Variants in NAALADL2 observed in about 807,000 individuals in gnomAD.
NAALADL2 encodes inactive N-acetylated-alpha-linked acidic dipeptidase-like protein 2.
NAALADL2 carries 76 observed loss-of-function variants against 87.2 expected under a neutral mutation model. The observed-to-expected ratio is 0.87, with a 90% CI of 0.72 to 1.05. The LOEUF is 1.05. Among genes scored for constraint, NAALADL2 ranks in the 50% least tolerant of loss-of-function variants. The pLI, the probability that NAALADL2 is intolerant of heterozygous loss-of-function variation, is 0.00. For missense variants in NAALADL2, 1,089 were observed against 945.8 expected (o/e 1.15, Z -1.99); for synonymous variants, 354 against 331.0 (o/e 1.07, Z -0.75).
intron 3 of NAALADL2, among the ~76,000 whole-genome samples, chr3:174,812,069 G>T (rs1720275491): frequency 6.6e-6 from 1 of 152,038 alleles, no homozygotes; most frequent in Non-Finnish European, 1.5e-5. Context: ...AGCAGATGCT[G>T]CCCTACTTTG....
chr3:175,005,228 C>G (rs905720034), intron 1 of NAALADL2, among the ~76,000 whole-genome samples: 19 of 152,114 alleles, frequency 1.2e-4, no homozygotes, highest in Admixed American at 9.8e-4. Flanking sequence ...TCAAGTGAAG[C>G]AGCTGAGCAG....
At chr3:175,317,055 G>A (rs1186320842) in intron 4 of NAALADL2, among the ~76,000 whole-genome samples, 1 of 152,094 alleles carries the variant, frequency 6.6e-6, no homozygotes, top group Non-Finnish European at 1.5e-5. Context: ...TCCCTTCAGG[G>A]CTGTGGGTGA....
chr3:175,314,641 C>T (rs1249462851), intron 4 of NAALADL2, among the ~76,000 whole-genome samples: 2 of 72,574 alleles, frequency 2.8e-5, no homozygotes, highest in Non-Finnish European at 5.3e-5. Flanking sequence ...GTAAAATTAG[C>T]GTTTTCTAGT....
At chr3:174,986,163 T>C (rs1208937785) in intron 1 of NAALADL2, among the ~76,000 whole-genome samples, 1 of 151,168 alleles carries the variant, frequency 6.6e-6, no homozygotes, top group Non-Finnish European at 1.5e-5. Flanking sequence ...CTGCATCATA[T>C]ATACAAATTT....
In NAALADL2 at chr3:174,930,614, C is replaced by CTTTTTTTTTTTTTTTTTTTTTTTTTTTTT. The variant is rs760690405; in HGVS notation, c.43+71189_43+71190insTTTTTTTTTTTTTTTTTTTTTTTTTTTTT. Among the ~76,000 whole-genome samples the CTTTTTTTTTTTTTTTTTTTTTTTTTTTTT allele has an allele frequency of 5.8e-4, 39 of 66,820 alleles. 4 individuals carry two copies. The highest frequency in any genetic ancestry group is 2.9e-3 in the East Asian group (5 of 1,716). 43.8% of individuals were successfully genotyped at this position (66,820 alleles called of 152,430 possible). ...TTGCAAGTCCTTTAAATAAGATGAA[C>CTTTTTTTTTTTTTTTTTTTTTTTTTTTTT]TTTTTTTTTTTTTTTTTTTTTTTTT... On this transcript the variant is annotated intron_variant, in intron 1 of 13. Transcript: ENST00000454872.
chr3:175,123,874 G>T (rs1403132561), intron 2 of NAALADL2, among the ~76,000 whole-genome samples: 3 of 151,800 alleles, frequency 2.0e-5, no homozygotes, highest in Admixed American at 6.6e-5. Context: ...ACCATATCAT[G>T]TTTCTTAAGA....
At chr3:175,186,562 G>T (rs1378451594) in intron 2 of NAALADL2, among the ~76,000 whole-genome samples, 2 of 152,184 alleles carry the variant, frequency 1.3e-5, no homozygotes, top group African/African-American at 2.4e-5. Context: ...TATAGAAAGA[G>T]ATAAAGAGAT....
intron 1 of NAALADL2, among the ~76,000 whole-genome samples, chr3:174,484,922 G>A (rs1310792309): frequency 6.6e-6 from 1 of 151,920 alleles, no homozygotes; most frequent in Non-Finnish European, 1.5e-5. Context: ...TTGCTTAGCC[G>A]GTAGTTGTGT....
intron 1 of NAALADL2, among the ~76,000 whole-genome samples, chr3:174,525,848 G>C (rs1204353171): frequency 6.6e-6 from 1 of 152,024 alleles, no homozygotes. Flanking sequence ...ATACCATTTT[G>C]GGGGGCACCC....
intron 1 of NAALADL2, among the ~76,000 whole-genome samples, chr3:174,528,317 TATATAAA>T (rs1452410114): frequency 6.6e-6 from 1 of 152,160 alleles, no homozygotes; most frequent in Non-Finnish European, 1.5e-5. Context: ...GTATCCTTCT[TATATAAA>T]ATATAAAATA....
chr3:175,118,127 G>A (rs1036854075), intron 2 of NAALADL2, among the ~76,000 whole-genome samples: 2 of 151,620 alleles, frequency 1.3e-5, no homozygotes, highest in African/African-American at 4.8e-5. Flanking sequence ...GGGTGGGGGG[G>A]AGGCCAGTCA....
At chr3:174,998,508 A>G (rs1747828839) in intron 1 of NAALADL2, among the ~76,000 whole-genome samples, 1 of 152,248 alleles carries the variant, frequency 6.6e-6, no homozygotes, top group Non-Finnish European at 1.5e-5. Context: ...TCTGATCTGC[A>G]GTTCATTGCC....
At chr3:175,724,257 T>C (rs1455621672) in intron 11 of NAALADL2, among the ~76,000 whole-genome samples, 2 of 152,158 alleles carry the variant, frequency 1.3e-5, no homozygotes, top group African/African-American at 2.4e-5. Flanking sequence ...CATCCTGGGA[T>C]ATTGGAGAAG....
At chr3:175,653,932 T>A (rs1345144758) in intron 11 of NAALADL2, among the ~76,000 whole-genome samples, 1 of 152,172 alleles carries the variant, frequency 6.6e-6, no homozygotes, top group Non-Finnish European at 1.5e-5. Context: ...TTGTACAATA[T>A]CAAAAGAACT....
At chr3:175,318,795 C>T (rs1027313148) in intron 4 of NAALADL2, among the ~76,000 whole-genome samples, 5 of 152,188 alleles carry the variant, frequency 3.3e-5, no homozygotes, top group African/African-American at 9.6e-5. Context: ...AAACTACTCT[C>T]CCCAACCGCT....
At chr3:174,445,505 A>G (rs1176878177) in intron 1 of NAALADL2, among the ~76,000 whole-genome samples, 1 of 152,076 alleles carries the variant, frequency 6.6e-6, no homozygotes, top group Admixed American at 6.5e-5. Flanking sequence ...CTACAGTTCA[A>G]AAATATTTTG....
At chr3:175,476,577 A>G (rs1276312838) in intron 9 of NAALADL2, among the ~76,000 whole-genome samples, 3 of 152,152 alleles carry the variant, frequency 2.0e-5, no homozygotes, top group African/African-American at 4.8e-5. Flanking sequence ...AAAACAAACA[A>G]ACAAAAAACA....
chr3:175,471,309 C>A (rs1034186474), intron 8 of NAALADL2, among the ~76,000 whole-genome samples: 2 of 151,506 alleles, frequency 1.3e-5, no homozygotes, highest in African/African-American at 2.4e-5. Context: ...CATGGTGAAA[C>A]CCTGTCTCTA....
intron 2 of NAALADL2, among the ~76,000 whole-genome samples, chr3:174,732,582 G>C (rs1224023030): frequency 6.6e-6 from 1 of 152,094 alleles, no homozygotes; most frequent in Non-Finnish European, 1.5e-5. Flanking sequence ...CTCAGAGGTG[G>C]ATCAAAATAT....
Sources: gnomAD v4.1 joint callset for allele counts (sites outside exome capture counted in the v4.1 genomes callset) on GRCh38, gnomAD v4.1.1 for gene constraint, MANE v1.5 for transcripts, NCBI Gene and HGNC (gene_info 2026-07-23, HGNC 2026-07-21) for gene names.